The following ABLIM1 variants were observed in gnomAD, a reference collection of about 807,000 sequenced individuals.
ABLIM1 encodes the protein actin binding LIM protein 1.
A neutral mutation model predicts 107.0 loss-of-function variants in ABLIM1; 40 were observed. The observed-to-expected ratio is 0.37, with a 90% confidence interval of 0.29 to 0.49. The LOEUF (loss-of-function observed/expected upper bound fraction) is 0.49, where lower values mean the gene tolerates loss of function less well. Ranked by LOEUF, ABLIM1 falls within the 20% of genes least tolerant of loss-of-function variation. The pLI, the probability that ABLIM1 is intolerant of heterozygous loss-of-function variation, is 0.97. For synonymous variants in ABLIM1, 357 were observed against 357.3 expected, an observed-to-expected ratio of 1.00 and a Z score of 0.01; for missense variants, 857 against 1,008.5, an observed-to-expected ratio of 0.85 and a Z score of 2.04.
At position 114,598,982 on chromosome 10, in the gene ABLIM1, T is replaced by C. The variant is rs77397708; in HGVS notation, c.379+2845A>G. Among the ~76,000 whole-genome samples the C allele has an allele frequency of 7.2e-3, 1,102 of 152,294 alleles. 12 individuals are homozygous for C. The highest frequency in any genetic ancestry group is 0.025 in the African/African-American group (1,043 of 41,548). Reference sequence around the variant, plus strand: ...AGTCTCCCCACAGTTATAGCAGTGATGACAGTGCTGCTCTAGAATCTTGGG... The same window carrying C: ...AGTCTCCCCACAGTTATAGCAGTGACGACAGTGCTGCTCTAGAATCTTGGG... On this transcript the variant is annotated intron_variant, in intron 2 of 22. Transcript: ENST00000533213.
At chr10:114,453,248 A>C (rs1435871387) in intron 13 of ABLIM1, 131 bp downstream of exon 13, 3 of 944,142 alleles carry the variant, frequency 3.2e-6, no homozygotes, top group African/African-American at 3.3e-5. Flanking sequence ...CCTAGGTCAG[A>C]TCCTGCAATT....
chr10:114,539,445 A>G (rs1454918549), intron 6 of ABLIM1, among the ~76,000 whole-genome samples: 1 of 152,206 alleles, frequency 6.6e-6, no homozygotes, highest in African/African-American at 2.4e-5. Context: ...TTAAGAAAGC[A>G]CCATCAAAAA....
At chr10:114,577,894 C>T (rs1040983469) in intron 2 of ABLIM1, among the ~76,000 whole-genome samples, 7 of 152,176 alleles carry the variant, frequency 4.6e-5, no homozygotes, top group African/African-American at 1.7e-4. Flanking sequence ...GCCTATGATG[C>T]CAGTACCTAA....
intron 1 of ABLIM1, among the ~76,000 whole-genome samples, chr10:114,708,881 G>C (rs1262887549): frequency 6.6e-6 from 1 of 152,132 alleles, no homozygotes; most frequent in African/African-American, 2.4e-5. Flanking sequence ...GTACCAAAAA[G>C]TGATATTTTA....
At chr10:114,439,986 C>T in intron 20 of ABLIM1, 96 bp downstream of exon 20, 1 of 1,595,018 alleles carries the variant, frequency 6.3e-7, no homozygotes, top group Non-Finnish European at 8.6e-7. Context: ...CAAGCATCTT[C>T]TCAACAGAAA....
intron 1 of ABLIM1, among the ~76,000 whole-genome samples, chr10:114,647,284 C>T (rs1166375044): frequency 6.9e-6 from 1 of 145,680 alleles, no homozygotes; most frequent in Admixed American, 6.6e-5. Flanking sequence ...CAGGCGTGAG[C>T]CACCGTGCCC....
chr10:114,491,767 C>A, intron 7 of ABLIM1, 24 bp downstream of exon 7: 1 of 1,584,848 alleles, frequency 6.3e-7, no homozygotes. Flanking sequence ...AGGAAAACTT[C>A]TAGTGTTCTT....
chr10:114,753,999 A>G (rs1566306098), intron 1 of ABLIM1, among the ~76,000 whole-genome samples: 1 of 152,136 alleles, frequency 6.6e-6, no homozygotes, highest in Non-Finnish European at 1.5e-5. Flanking sequence ...CTACAGGCAC[A>G]TGCCACTAGA....
chr10:114,684,323 T>C, exon 1 of ABLIM1: 2 of 1,614,196 alleles, frequency 1.2e-6, no homozygotes, highest in Non-Finnish European at 1.7e-6. Flanking sequence ...TGAGGGTCCG[T>C]GAGCTCAGTC....
chr10:114,536,597 T>C (rs1219564819), intron 6 of ABLIM1, among the ~76,000 whole-genome samples: 1 of 152,212 alleles, frequency 6.6e-6, no homozygotes, highest in Non-Finnish European at 1.5e-5. Flanking sequence ...AGTTGTAGTA[T>C]ATATCAGAAC....
the ABLIM1 span, among the ~76,000 whole-genome samples, chr10:114,780,723 C>T: frequency 2.0e-5 from 3 of 152,180 alleles, no homozygotes; most frequent in African/African-American, 7.2e-5. Flanking sequence ...TATCAATTTT[C>T]CTTCACAGGT....
chr10:114,714,476 C>A (rs1302185712), intron 1 of ABLIM1, among the ~76,000 whole-genome samples: 1 of 152,178 alleles, frequency 6.6e-6, no homozygotes, highest in Non-Finnish European at 1.5e-5. Flanking sequence ...AGTTGAAAGC[C>A]GCACTTGAGA....
chr10:114,592,867 G>A (rs2139666439), intron 2 of ABLIM1, among the ~76,000 whole-genome samples: 1 of 152,260 alleles, frequency 6.6e-6, no homozygotes, highest in East Asian at 1.9e-4. Context: ...GAAGAAGGTT[G>A]GGGTGGGTAT....
chr10:114,565,788 C>CTGTTTTTTTTTT (rs2070607334), intron 4 of ABLIM1, among the ~76,000 whole-genome samples: 1 of 101,068 alleles, frequency 9.9e-6, no homozygotes, highest in African/African-American at 3.5e-5. Flanking sequence ...GAAATGATTT[C>CTGTTTTTTTTTT]TTTTTTTTTT....
intron 1 of ABLIM1, among the ~76,000 whole-genome samples, chr10:114,654,597 C>T (rs73362063): frequency 0.014 from 2,111 of 152,296 alleles, 49 homozygotes; most frequent in African/African-American, 0.048. Flanking sequence ...TAGGCCCACA[C>T]CACCATGCCC....
At chr10:114,770,594 C>T (rs1337718596), upstream of ABLIM1, among the ~76,000 whole-genome samples, 2 of 152,192 alleles carry the variant, frequency 1.3e-5, no homozygotes, top group African/African-American at 4.8e-5. Flanking sequence ...TGATCTCGTT[C>T]AATCAACTTC....
chr10:114,595,461 A>G (rs2075323293), intron 2 of ABLIM1, among the ~76,000 whole-genome samples: 1 of 152,244 alleles, frequency 6.6e-6, no homozygotes, highest in Non-Finnish European at 1.5e-5. Context: ...CAGACAAAGT[A>G]AAACATTAAA....
chr10:114,444,260 T>A (rs1480707842), intron 16 of ABLIM1, 126 bp from the exon 17 acceptor site: 4 of 769,918 alleles, frequency 5.2e-6, no homozygotes, highest in Non-Finnish European at 8.1e-6. Flanking sequence ...CCTGAATGCA[T>A]GTGGCCCCAG....
At chr10:114,453,816 T>A (rs1260964715) in intron 12 of ABLIM1, among the ~76,000 whole-genome samples, 1 of 152,162 alleles carries the variant, frequency 6.6e-6, no homozygotes, top group Non-Finnish European at 1.5e-5. Flanking sequence ...TGCTTGCTCA[T>A]GATTCAGGAT....
Sources: gnomAD v4.1 joint callset for allele counts (sites outside exome capture counted in the v4.1 genomes callset) on GRCh38, gnomAD v4.1.1 for gene constraint, MANE v1.5 for transcripts, NCBI Gene and HGNC (gene_info 2026-07-23, HGNC 2026-07-21) for gene names.